IL2RB: variants seen among roughly 807,000 people sequenced by gnomAD.
IL2RB encodes interleukin 2 receptor subunit beta, also known as interleukin-2 receptor subunit beta.
A neutral mutation model predicts 44.2 loss-of-function variants in IL2RB; 17 were observed. The observed-to-expected ratio is 0.38, with a 90% CI of 0.26 to 0.58. IL2RB has a LOEUF of 0.58. Among genes scored for constraint, IL2RB ranks in the 20% least tolerant of loss-of-function variants. The pLI is 0.63. For synonymous variants in IL2RB, 286 were observed against 297.9 expected (o/e 0.96, Z 0.41); for missense variants, 624 against 685.5 (o/e 0.91, Z 1.00).
chr22:37,167,214 G>A (rs77069242), intron 1 of IL2RB, among the ~76,000 whole-genome samples: 1 of 152,008 alleles, frequency 6.6e-6, no homozygotes, highest in Non-Finnish European at 1.5e-5. Context: ...CCCACCCTCT[G>A]CCCCTCCTGT....
Position 37,137,169 on chromosome 22 carries a change from T to G in IL2RB, c.537+418A>C, listed in dbSNP as rs1183381577. ...TCCCCATCATTCAGCGCATAGTAGG[T>G]GCTCAGCAAATATTTATTGAGTGAG... is the stretch of plus-strand genomic sequence containing the variant. On this transcript the variant is annotated intron_variant, in intron 6 of 9. Transcript: ENST00000216223. Among the ~76,000 whole-genome samples the G allele has an allele frequency of 2.6e-5, 4 of 152,216 alleles. No homozygotes were observed. In the East Asian group the frequency reaches 7.7e-4, roughly 29 times the overall value.
chr22:37,134,675 G>A (rs1921595445), intron 8 of IL2RB, among the ~76,000 whole-genome samples: 1 of 152,196 alleles, frequency 6.6e-6, no homozygotes, highest in Non-Finnish European at 1.5e-5. Flanking sequence ...GGTATCTGTA[G>A]GGGGTAGGGA....
intron 1 of IL2RB, among the ~76,000 whole-genome samples, chr22:37,162,239 C>T (rs4821592): frequency 0.42 from 63,273 of 152,022 alleles, 13,490 homozygotes; most frequent in South Asian, 0.59. Context: ...TTTCTGTCTG[C>T]GGGGCCTTGG....
chr22:37,158,541 G>A (rs776952172), intron 1 of IL2RB, among the ~76,000 whole-genome samples: 1 of 152,130 alleles, frequency 6.6e-6, no homozygotes, highest in Non-Finnish European at 1.5e-5. Context: ...CTGGGTGACT[G>A]AGCAAGACTC....
At chr22:37,131,425 T>C (rs1055586707) in intron 9 of IL2RB, among the ~76,000 whole-genome samples, 2 of 151,792 alleles carry the variant, frequency 1.3e-5, no homozygotes, top group African/African-American at 4.8e-5. Flanking sequence ...ACCCCCCATG[T>C]CCCCCCTTCA....
chr22:37,151,555 C>A (rs1417623050), upstream of IL2RB, among the ~76,000 whole-genome samples: 1 of 152,110 alleles, frequency 6.6e-6, no homozygotes, highest in African/African-American at 2.4e-5. Flanking sequence ...GTGTAGAAGC[C>A]TTTTAACTTG....
intron 4 of IL2RB, 138 bp downstream of exon 4, chr22:37,142,296 C>T (rs375930175): frequency 1.0e-5 from 8 of 779,710 alleles, no homozygotes; most frequent in African/African-American, 1.7e-5. Context: ...TCTTGCTCAG[C>T]GCTGGGCATC....
intron 7 of IL2RB, among the ~76,000 whole-genome samples, chr22:37,135,990 G>C (rs769904430): frequency 2.0e-4 from 31 of 152,130 alleles, no homozygotes; most frequent in Non-Finnish European, 4.4e-4. Context: ...TTTCAGGGTG[G>C]AGAAGAGTGA....
At chr22:37,171,430 A>T (rs1923281242) in intron 1 of IL2RB, among the ~76,000 whole-genome samples, 2 of 152,200 alleles carry the variant, frequency 1.3e-5, no homozygotes, top group African/African-American at 4.8e-5. Flanking sequence ...TGAGAAACAG[A>T]CAATAAACAT....
intron 1 of IL2RB, among the ~76,000 whole-genome samples, chr22:37,157,248 C>G (rs1345150305): frequency 1.3e-5 from 2 of 152,208 alleles, no homozygotes; most frequent in Non-Finnish European, 2.9e-5. Flanking sequence ...CTGACACCTG[C>G]TCTTCACTGG....
chr22:37,174,475 C>A (rs755221325), intron 1 of IL2RB, among the ~76,000 whole-genome samples: 1 of 152,160 alleles, frequency 6.6e-6, no homozygotes, highest in Non-Finnish European at 1.5e-5. Context: ...AAAAGCACCA[C>A]GCTCAGATCA....
chr22:37,170,279 G>A (rs1402658069), intron 1 of IL2RB, among the ~76,000 whole-genome samples: 1 of 152,174 alleles, frequency 6.6e-6, no homozygotes, highest in Admixed American at 6.5e-5. Flanking sequence ...CAAGGTTGGG[G>A]GTGAAATGAG....
At chr22:37,171,650 C>G (rs1002960864) in intron 1 of IL2RB, among the ~76,000 whole-genome samples, 2 of 152,170 alleles carry the variant, frequency 1.3e-5, no homozygotes, top group African/African-American at 4.8e-5. Context: ...CCTGAATATG[C>G]GAGGCAATTT....
At chr22:37,153,279 G>C (rs1221924001), upstream of IL2RB, among the ~76,000 whole-genome samples, 3 of 151,394 alleles carry the variant, frequency 2.0e-5, no homozygotes, top group African/African-American at 7.4e-5. Context: ...AGAGACGGCA[G>C]CTCTGCAAAT....
intron 1 of IL2RB, chr22:37,161,914 G>A (rs1469479248): frequency 6.6e-6 from 1 of 152,238 alleles, no homozygotes; most frequent in African/African-American, 2.4e-5. Flanking sequence ...GGAACATCGT[G>A]TCCAGGATGC....
chr22:37,146,832 A>T (rs1165332700), intron 1 of IL2RB, among the ~76,000 whole-genome samples: 1 of 151,096 alleles, frequency 6.6e-6, no homozygotes, highest in Non-Finnish European at 1.5e-5. Flanking sequence ...AAAAAAGCAG[A>T]GCTCTTTAGG....
chr22:37,172,409 G>C (rs1569057061), intron 1 of IL2RB, among the ~76,000 whole-genome samples: 1 of 152,146 alleles, frequency 6.6e-6, no homozygotes, highest in Non-Finnish European at 1.5e-5. Flanking sequence ...AATCTGCAGA[G>C]CAGGACTCAA....
Position 37,135,365 on chromosome 22 carries a change from C to A in IL2RB, c.781G>T (p.Val261Leu). 1 of 1,613,884 alleles carries A rather than the reference C, an allele frequency of 6.2e-7. No individual in the cohort carries two copies. The highest frequency in any genetic ancestry group is 8.5e-7 in the Non-Finnish European group (1 of 1,179,838). ...LSGAFGFIIL[V>L]YLLINCRNTG... ...TTCCTGCAGTTGATCAGCAAGTACA[C>A]TAAGATGATGAAGCCAAAAGCCCCG... Residue 261 changes from valine (V) to leucine (L), a missense_variant, in exon 8 of 10, where the codon GTG becomes TTG. Physicochemically the swap from Val to Leu is conservative, Grantham distance 32. Around this residue, in one of 3 missense-constraint regions of IL2RB, gnomAD observed 255 missense variants for 339.9 expected, o/e 0.75. Coordinates refer to ENST00000216223, the MANE Select transcript of IL2RB (RefSeq NM_000878.5).
Position 37,128,197 on chromosome 22 carries a change from G to A in IL2RB, c.1555C>T (p.Gln519Ter). The change falls in exon 10 of 10, where the codon CAG becomes TAG. Residue 519 changes from glutamine to a stop codon, truncating the protein, a stop_gained. Transcript: ENST00000216223. LOFTEE classifies it low-confidence loss of function (END_TRUNC). This position sits in a 1 kb window ranked among gnomAD's most constrained non-coding sequence, Gnocchi z 4.5. ...GCATTAAGGGCCCTGAACTCCCCCTGCCCAGGAGGCCTGGACCAGGGGAAA... is the reference window on the plus strand; with the variant it reads ...GCATTAAGGGCCCTGAACTCCCCCTACCCAGGAGGCCTGGACCAGGGGAAA... ...VSFPWSRPPGQGEFRALNARL... is the reference protein window; with the variant it reads ...VSFPWSRPPG The A allele has an allele frequency of 6.5e-7, 1 of 1,529,626 alleles. No homozygotes were observed. Among genetic ancestry groups the A allele is most frequent in the Admixed American group, 2.2e-5 (1 of 44,890 alleles). 94.8% of individuals were successfully genotyped at this position (1,529,626 alleles called of 1,614,324 possible).
Sources: allele counts gnomAD v4.1 joint callset (sites outside exome capture counted in the v4.1 genomes callset), GRCh38; gene constraint gnomAD v4.1.1; regional missense constraint gnomAD v4.1.1; non-coding constraint Gnocchi (gnomAD v3.1); transcripts MANE v1.5; gene names NCBI Gene and HGNC (gene_info 2026-07-23, HGNC 2026-07-21).